PRIM2: variants seen among roughly 807,000 people sequenced by gnomAD.
PRIM2 encodes DNA primase subunit 2, also known as DNA primase large subunit.
Under a neutral mutation model 67.3 loss-of-function variants are expected in PRIM2, and 39 were observed. That is an observed-to-expected ratio of 0.58 (90% confidence interval 0.45 to 0.76). PRIM2 has a LOEUF of 0.76. PRIM2 is among the 30% of genes least tolerant of loss of function. The pLI is 0.00. For synonymous variants in PRIM2, 143 were observed against 198.7 expected (o/e 0.72, Z 2.36); for missense variants, 398 against 598.7 (o/e 0.66, Z 3.50).
At chr6:57,642,855 T>C (rs1191884916) in intron 13 of PRIM2, among the ~76,000 whole-genome samples, 10,009 of 152,270 alleles carry the variant, frequency 0.066, 434 homozygotes, top group Non-Finnish European at 0.11. Context: ...TTTTATAAAC[T>C]ATACCCATAA....
intron 5 of PRIM2, among the ~76,000 whole-genome samples, chr6:57,342,880 A>T (rs1261231141): frequency 6.6e-6 from 1 of 152,230 alleles, no homozygotes; most frequent in East Asian, 1.9e-4. Flanking sequence ...AGTTTTTCTT[A>T]TCCTGAGCCT....
At chr6:57,410,691 TA>T (rs1386222819) in intron 7 of PRIM2, among the ~76,000 whole-genome samples, 8 of 152,208 alleles carry the variant, frequency 5.3e-5, no homozygotes, top group Admixed American at 4.6e-4. Context: ...AATATAGTTT[TA>T]TTTTTTTTCT....
the PRIM2 span, among the ~76,000 whole-genome samples, chr6:57,291,514 T>C: frequency 6.6e-6 from 1 of 152,182 alleles, no homozygotes; most frequent in Admixed American, 6.5e-5. Flanking sequence ...AGCATCATCC[T>C]GATACCAAAG....
intron 12 of PRIM2, among the ~76,000 whole-genome samples, chr6:57,624,863 A>G (rs1776920392): frequency 1.3e-5 from 2 of 152,202 alleles, no homozygotes; most frequent in South Asian, 4.1e-4. Flanking sequence ...AAAAAGGTTT[A>G]ATGGACTCAC....
intron 7 of PRIM2, among the ~76,000 whole-genome samples, chr6:57,489,108 C>A (rs1465468168): frequency 6.6e-6 from 1 of 152,212 alleles, no homozygotes; most frequent in Non-Finnish European, 1.5e-5. Context: ...GTGGGCTTCC[C>A]AAGGGTCCTT....
At chr6:57,244,499 A>C in the PRIM2 span, among the ~76,000 whole-genome samples, 1 of 152,150 alleles carries the variant, frequency 6.6e-6, no homozygotes, top group African/African-American at 2.4e-5. Flanking sequence ...GGTGGCTTAC[A>C]CCTGTAATCC....
intron 7 of PRIM2, among the ~76,000 whole-genome samples, chr6:57,438,670 T>C (rs73749699): frequency 6.6e-6 from 1 of 152,212 alleles, no homozygotes; most frequent in East Asian, 1.9e-4. Flanking sequence ...TGTTCATTTA[T>C]GTGGGCAGAA....
chr6:57,572,955 T>C (rs1374626073), intron 10 of PRIM2, among the ~76,000 whole-genome samples: 4 of 152,230 alleles, frequency 2.6e-5, no homozygotes, highest in Non-Finnish European at 5.9e-5. Context: ...TTATTTACTT[T>C]TGTTAGAGAT....
the PRIM2 span, among the ~76,000 whole-genome samples, chr6:57,243,798 C>T: frequency 6.6e-6 from 1 of 152,154 alleles, no homozygotes; most frequent in Non-Finnish European, 1.5e-5. Flanking sequence ...TCATACAAAT[C>T]TGTTTCAAAG....
intron 7 of PRIM2, among the ~76,000 whole-genome samples, chr6:57,461,780 A>G (rs1431083485): frequency 6.6e-6 from 1 of 152,232 alleles, no homozygotes; most frequent in East Asian, 1.9e-4. Flanking sequence ...CATATAAATA[A>G]TAGTGATCAA....
the PRIM2 span, among the ~76,000 whole-genome samples, chr6:57,294,207 T>A: frequency 6.6e-6 from 1 of 152,040 alleles, no homozygotes; most frequent in Non-Finnish European, 1.5e-5. Context: ...AGGCCAGGCG[T>A]GGTGGCTCAT....
At chr6:57,473,617 T>C (rs1581939980) in intron 7 of PRIM2, among the ~76,000 whole-genome samples, 1 of 152,160 alleles carries the variant, frequency 6.6e-6, no homozygotes, top group East Asian at 1.9e-4. Context: ...CTTCCCTTTG[T>C]TTTCAGCTTC....
chr6:57,562,904 T>C (rs1472500962), intron 10 of PRIM2, among the ~76,000 whole-genome samples: 11 of 152,190 alleles, frequency 7.2e-5, no homozygotes, highest in Non-Finnish European at 1.2e-4. Context: ...CCATCTCTTA[T>C]CTAATTATTG....
At position 57,324,286 on chromosome 6, in the gene PRIM2, T is replaced by C. The variant is rs1259697406; in HGVS notation, c.338+6T>C. 2.6e-6 allele frequency: 4 copies of C among 1,536,448 alleles called. No homozygotes were observed. The highest frequency in any genetic ancestry group is 1.8e-5 in the Admixed American group (1 of 56,386). On this transcript the variant is annotated splice_donor_region_variant and intron_variant, in intron 4 of 13. Coordinates refer to ENST00000615550, the MANE Select transcript of PRIM2 (RefSeq NM_000947.5). ...CGGCTTGCTTATTGCCAGTCGTAAG[T>C]ATATGTTTATATTCTCACAGTCAAA...
intron 13 of PRIM2, among the ~76,000 whole-genome samples, chr6:57,644,089 G>A (rs1380998958): frequency 1.3e-5 from 2 of 152,054 alleles, no homozygotes; most frequent in African/African-American, 4.8e-5. Context: ...AGGGTTTTTG[G>A]TGACTCTGTG....
At chr6:57,539,666 A>G (rs1331051530) in intron 10 of PRIM2, among the ~76,000 whole-genome samples, 8 of 145,552 alleles carry the variant, frequency 5.5e-5, no homozygotes, top group African/African-American at 1.8e-4. Flanking sequence ...GTATATATAT[A>G]TATATATGCA....
chr6:57,241,674 A>G, the PRIM2 span, among the ~76,000 whole-genome samples: 1 of 145,142 alleles, frequency 6.9e-6, no homozygotes, highest in Non-Finnish European at 1.5e-5. Context: ...ATACTAAACT[A>G]TGCAGAACTA....
At position 57,577,489 on chromosome 6, in the gene PRIM2, G is replaced by A. The variant is rs1775985522; in HGVS notation, c.1021-23604G>A. Among the ~76,000 whole-genome samples the A allele has an allele frequency of 2.0e-5, 3 of 150,190 alleles. No homozygotes were observed. In the South Asian group the frequency reaches 6.3e-4, roughly 32 times the overall value. On this transcript the variant is annotated intron_variant, in intron 10 of 13. Transcript: ENST00000615550. ...CTGTCGCCCAGGCTGGAGTGCAGTG[G>A]CACGATCTTGGCTCACTGCAACCTC...
intron 10 of PRIM2, among the ~76,000 whole-genome samples, chr6:57,562,070 A>G (rs1280918755): frequency 4.6e-5 from 7 of 152,144 alleles, no homozygotes; most frequent in African/African-American, 1.2e-4. Flanking sequence ...GACACACAAC[A>G]TTTATCAACT....
Sources: gnomAD v4.1 joint callset for allele counts (sites outside exome capture counted in the v4.1 genomes callset) on GRCh38, gnomAD v4.1.1 for gene constraint, MANE v1.5 for transcripts, NCBI Gene and HGNC (gene_info 2026-07-23, HGNC 2026-07-21) for gene names.